The following MARCHF1 variants were observed in gnomAD, a reference collection of about 807,000 sequenced individuals.
The protein encoded by MARCHF1 is E3 ubiquitin-protein ligase MARCHF1.
In MARCHF1, 40 loss-of-function variants were observed where a neutral mutation model predicts 54.2. That is an observed-to-expected ratio of 0.74 (90% confidence interval 0.57 to 0.96). The LOEUF (loss-of-function observed/expected upper bound fraction) is 0.96. Among genes scored for constraint, MARCHF1 ranks in the 40% least tolerant of loss-of-function variants. The pLI, the probability that MARCHF1 is intolerant of heterozygous loss-of-function variation, is 0.00. For missense variants in MARCHF1, 586 were observed against 656.5 expected (o/e 0.89, Z 1.17); for synonymous variants, 236 against 236.3 (o/e 1.00, Z 0.01).
At chr4:164,305,049 C>T (rs895375007) in intron 1 of MARCHF1, among the ~76,000 whole-genome samples, 5 of 152,222 alleles carry the variant, frequency 3.3e-5, no homozygotes, top group African/African-American at 1.2e-4. Flanking sequence ...AAACACATTG[C>T]TTTGGCCATA....
rs371179933 is a variant in MARCHF1 at position 163,644,099 on chromosome 4, G to A, written c.163-30706C>T. On this transcript the variant is annotated intron_variant, in intron 5 of 9. Transcript: ENST00000514618. The stretch of plus-strand genomic sequence containing the variant: ...ATTTAGGTAAAGCTAATATTTTTAC[G>A]TATTTGTTCATGCCATGTTTTTCTA... Among the ~76,000 whole-genome samples, 72 of 151,800 alleles carry A rather than the reference G, an allele frequency of 4.7e-4. 1 individual carries two copies. The highest frequency in any genetic ancestry group is 1.6e-3 in the East Asian group (8 of 5,144).
At chr4:163,532,285 A>G (rs1738380275) in intron 9 of MARCHF1, among the ~76,000 whole-genome samples, 1 of 151,912 alleles carries the variant, frequency 6.6e-6, no homozygotes, top group African/African-American at 2.4e-5. Context: ...GACTGATACA[A>G]ATATAGGAAA....
At position 163,806,972 on chromosome 4, in the gene MARCHF1, G is replaced by A. The variant is rs547571686; in HGVS notation, c.111+47049C>T. Among the ~76,000 whole-genome samples the A allele has an allele frequency of 4.6e-5, 7 of 152,136 alleles. No individual in the cohort carries two copies. The East Asian group carries it at 1.4e-3, about 29-fold the overall frequency. On this transcript the variant is annotated intron_variant, in intron 4 of 9. Transcript: ENST00000514618. The stretch of plus-strand genomic sequence containing the variant: ...CACTTAACAAATCTCAGGATCAAAC[G>A]AAATTTTCTAAGCTTAAAATTAGAA...
At chr4:163,901,203 A>T (rs1750934219) in intron 3 of MARCHF1, among the ~76,000 whole-genome samples, 1 of 152,218 alleles carries the variant, frequency 6.6e-6, no homozygotes, top group South Asian at 2.1e-4. Context: ...ATGCCCTGAG[A>T]ATCTCACCTT....
chr4:164,147,891 T>A (rs1470440594), intron 1 of MARCHF1, among the ~76,000 whole-genome samples: 2 of 152,084 alleles, frequency 1.3e-5, no homozygotes, highest in African/African-American at 2.4e-5. Context: ...ACATATGTTA[T>A]TCAGCTTGAT....
At chr4:164,304,582 T>G (rs753081878) in intron 1 of MARCHF1, among the ~76,000 whole-genome samples, 2 of 152,214 alleles carry the variant, frequency 1.3e-5, no homozygotes, top group Non-Finnish European at 2.9e-5. Flanking sequence ...TAGCCCGAAT[T>G]TCAAGTGTTG....
chr4:163,984,031 T>C (rs1438196522), intron 3 of MARCHF1, among the ~76,000 whole-genome samples: 3 of 151,952 alleles, frequency 2.0e-5, no homozygotes, highest in Non-Finnish European at 4.4e-5. Flanking sequence ...AATCAGTAAC[T>C]TGTCCATTAT....
At chr4:163,695,020 C>T (rs1242091402) in intron 5 of MARCHF1, among the ~76,000 whole-genome samples, 5 of 152,100 alleles carry the variant, frequency 3.3e-5, no homozygotes, top group Non-Finnish European at 5.9e-5. Context: ...ACTTCATCAA[C>T]CTACCAAACT....
At chr4:163,664,397 C>A (rs1363302574) in intron 5 of MARCHF1, among the ~76,000 whole-genome samples, 5 of 152,012 alleles carry the variant, frequency 3.3e-5, no homozygotes, top group Admixed American at 2.6e-4. Flanking sequence ...AATTCTAAGG[C>A]AGAGAGGCCC....
chr4:164,364,487 T>C (rs1730822858), intron 1 of MARCHF1, among the ~76,000 whole-genome samples: 1 of 152,136 alleles, frequency 6.6e-6, no homozygotes. Flanking sequence ...TGCATTTTAA[T>C]GACAAATCTA....
At chr4:163,900,718 T>C (rs1410179642) in intron 3 of MARCHF1, among the ~76,000 whole-genome samples, 2 of 152,174 alleles carry the variant, frequency 1.3e-5, no homozygotes, top group African/African-American at 2.4e-5. Flanking sequence ...TATTTTGTCT[T>C]TAATTCAGTT....
chr4:163,543,453 G>A (rs1360579163), intron 9 of MARCHF1, among the ~76,000 whole-genome samples: 1 of 151,626 alleles, frequency 6.6e-6, no homozygotes, highest in East Asian at 1.9e-4. Context: ...GTGTTAGAGT[G>A]AGAAGTGGTA....
chr4:164,157,827 T>C (rs898162774), intron 1 of MARCHF1, among the ~76,000 whole-genome samples: 2 of 152,142 alleles, frequency 1.3e-5, no homozygotes, highest in Non-Finnish European at 2.9e-5. Context: ...AGGGACACAT[T>C]CTGAGGTACT....
chr4:163,570,924 A>G (rs1739823768), intron 8 of MARCHF1, among the ~76,000 whole-genome samples: 1 of 152,016 alleles, frequency 6.6e-6, no homozygotes, highest in Non-Finnish European at 1.5e-5. Context: ...CTCTTCATTC[A>G]TTTTTATTAC....
intron 4 of MARCHF1, among the ~76,000 whole-genome samples, chr4:163,816,992 G>T (rs1361258348): frequency 6.6e-6 from 1 of 152,198 alleles, no homozygotes; most frequent in East Asian, 1.9e-4. Context: ...CAGCCAAGAG[G>T]TGGTGAATAT....
chr4:164,117,017 G>A lies in MARCHF1; in HGVS notation c.-322-5355C>T, dbSNP rs1339062724. On this transcript the variant is annotated intron_variant, in intron 1 of 9. Transcript: ENST00000514618. ...TCACGCCTGTAATGCCAGCACTTTG[G>A]GAGGCCAAGGCGGGTAGATCATTTG... is the stretch of plus-strand genomic sequence containing the variant. 2.0e-5 allele frequency among the ~76,000 whole-genome samples: 3 copies of A among 152,022 alleles called. No individual in the cohort carries two copies. The East Asian group carries it at 5.8e-4, about 29-fold the overall frequency.
intron 5 of MARCHF1, among the ~76,000 whole-genome samples, chr4:163,688,216 A>T (rs1744331560): frequency 6.6e-6 from 1 of 152,210 alleles, no homozygotes; most frequent in Non-Finnish European, 1.5e-5. Flanking sequence ...AAGAAAAAAA[A>T]AGCTGAAGTT....
chr4:163,605,993 C>T (rs1037069316), intron 7 of MARCHF1, among the ~76,000 whole-genome samples: 9 of 152,016 alleles, frequency 5.9e-5, no homozygotes, highest in African/African-American at 1.9e-4. Flanking sequence ...CACCATGGCA[C>T]GTTTATACCT....
chr4:163,679,137 G>T (rs997469914), intron 5 of MARCHF1, among the ~76,000 whole-genome samples: 1 of 152,160 alleles, frequency 6.6e-6, no homozygotes, highest in Non-Finnish European at 1.5e-5. Context: ...AAAGAGGAGA[G>T]GTTGAAATTG....
Sources: allele counts gnomAD v4.1 joint callset (sites outside exome capture counted in the v4.1 genomes callset), GRCh38; gene constraint gnomAD v4.1.1; transcripts MANE v1.5; gene names NCBI Gene and HGNC (gene_info 2026-07-23, HGNC 2026-07-21).